The following GPC6 variants were observed in gnomAD, a reference collection of about 807,000 sequenced individuals.
The protein encoded by GPC6 is glypican 6.
Under a neutral mutation model 55.2 loss-of-function variants are expected in GPC6, and 14 were observed. The observed-to-expected ratio is 0.25, with a 90% CI of 0.17 to 0.40. The LOEUF is 0.40. Among genes scored for constraint, GPC6 ranks in the 10% least tolerant of loss-of-function variants. The pLI is 1.00. For synonymous variants in GPC6, 278 were observed against 259.6 expected, an observed-to-expected ratio of 1.07 and a Z score of -0.68; for missense variants, 641 against 708.5, an observed-to-expected ratio of 0.90 and a Z score of 1.08.
rs1876030010 is a variant in GPC6, at chr13:93,231,380, C to CATATATATATATATGTAT, written c.160+3778_160+3779insGTATATATATATATATAT. The stretch of plus-strand genomic sequence containing the variant: ...ATATACGTATATATATATATATATA[C>CATATATATATATATGTAT]ATATATATATATATATGTATATATA... On this transcript the variant is annotated intron_variant, in intron 1 of 8. Transcript: ENST00000377047. Among the ~76,000 whole-genome samples, 3 of 30,940 alleles carry CATATATATATATATGTAT rather than the reference C, an allele frequency of 9.7e-5. 1 individual carries two copies. The highest frequency in any genetic ancestry group is 1.2e-4 in the Non-Finnish European group (2 of 16,594). The allele number at this position is 30,940 out of a possible 152,430, so 20.3% of individuals were successfully genotyped here. A position where few individuals can be genotyped will look rare whatever the true frequency, so the allele number is the denominator to read the frequency against.
At chr13:93,753,329 C>CTGTG (rs997229418) in intron 2 of GPC6, among the ~76,000 whole-genome samples, 4 of 152,124 alleles carry the variant, frequency 2.6e-5, no homozygotes, top group African/African-American at 4.8e-5. Context: ...GTATGTATGT[C>CTGTG]TGTGTGTGTG....
chr13:93,216,956 C>T, the GPC6 span, among the ~76,000 whole-genome samples: 1 of 152,138 alleles, frequency 6.6e-6, no homozygotes, highest in Non-Finnish European at 1.5e-5. Context: ...TCCATCTGAG[C>T]TGCTACCAAT....
intron 1 of GPC6, among the ~76,000 whole-genome samples, chr13:93,358,289 A>G (rs957975072): frequency 2.0e-5 from 3 of 152,130 alleles, no homozygotes; most frequent in Admixed American, 6.5e-5. Flanking sequence ...GCAGTGAGCT[A>G]TGACTGCACC....
chr13:93,629,802 A>G (rs959105278), intron 2 of GPC6, among the ~76,000 whole-genome samples: 3 of 152,188 alleles, frequency 2.0e-5, no homozygotes, highest in Non-Finnish European at 4.4e-5. Flanking sequence ...AATTCACAGC[A>G]TTCCTTTTTT....
intron 1 of GPC6, among the ~76,000 whole-genome samples, chr13:93,489,608 G>C (rs970438251): frequency 4.7e-4 from 71 of 151,700 alleles, no homozygotes; most frequent in African/African-American, 1.6e-3. Flanking sequence ...CATGAGCATG[G>C]AATGTTCTTC....
At chr13:93,522,932 G>A (rs879552705) in intron 1 of GPC6, among the ~76,000 whole-genome samples, 7 of 151,536 alleles carry the variant, frequency 4.6e-5, no homozygotes, top group Admixed American at 4.6e-4. Flanking sequence ...GAGGGAAGAG[G>A]AAGGAAAAAG....
At chr13:94,311,076 A>T (rs1876218698) in intron 6 of GPC6, among the ~76,000 whole-genome samples, 2 of 152,192 alleles carry the variant, frequency 1.3e-5, no homozygotes, top group Admixed American at 6.5e-5. Context: ...TGGAGAGGGA[A>T]CATTGGATAT....
intron 2 of GPC6, among the ~76,000 whole-genome samples, chr13:93,654,238 A>AATTATT: frequency 6.6e-6 from 1 of 152,074 alleles, no homozygotes; most frequent in South Asian, 2.1e-4. Context: ...CACTTTAAGT[A>AATTATT]ATTATTATTA....
At chr13:94,309,421 C>T (rs1876120480) in intron 6 of GPC6, among the ~76,000 whole-genome samples, 1 of 151,822 alleles carries the variant, frequency 6.6e-6, no homozygotes, top group Non-Finnish European at 1.5e-5. Context: ...AACTACCAAC[C>T]CCAAGCTGAG....
chr13:94,298,849 T>G (rs1003503485), intron 5 of GPC6, among the ~76,000 whole-genome samples: 3 of 152,208 alleles, frequency 2.0e-5, no homozygotes, highest in African/African-American at 7.2e-5. Flanking sequence ...GAAGAGATAA[T>G]TGATCATTTG....
chr13:94,076,966 T>A (rs1383781892), intron 4 of GPC6, among the ~76,000 whole-genome samples: 1 of 144,584 alleles, frequency 6.9e-6, no homozygotes, highest in Admixed American at 6.8e-5. Flanking sequence ...TTCTGTTTTT[T>A]TTTTTTTTTT....
chr13:93,820,141 A>T (rs899127929), intron 2 of GPC6, among the ~76,000 whole-genome samples: 2 of 152,188 alleles, frequency 1.3e-5, no homozygotes, highest in African/African-American at 2.4e-5. Context: ...TTTAATGAAC[A>T]TTCATGGTTG....
At chr13:93,645,060 G>T (rs565229555) in intron 2 of GPC6, among the ~76,000 whole-genome samples, 1 of 152,084 alleles carries the variant, frequency 6.6e-6, no homozygotes, top group Non-Finnish European at 1.5e-5. Flanking sequence ...TCAGAGGGAG[G>T]AGTGGAGAAA....
chr13:94,136,203 T>G (rs1013974056), intron 4 of GPC6, among the ~76,000 whole-genome samples: 3 of 135,276 alleles, frequency 2.2e-5, no homozygotes, highest in South Asian at 4.8e-4. Context: ...TTTTTTTTTT[T>G]CTTCATTTCA....
chr13:94,046,097 C>T (rs567189688), intron 4 of GPC6, among the ~76,000 whole-genome samples: 14 of 151,896 alleles, frequency 9.2e-5, no homozygotes, highest in African/African-American at 2.9e-4. Flanking sequence ...CTCCACTCAG[C>T]GGACTGCCAA....
intron 2 of GPC6, among the ~76,000 whole-genome samples, chr13:93,614,060 C>T (rs1485989394): frequency 6.6e-6 from 1 of 152,154 alleles, no homozygotes; most frequent in Admixed American, 6.5e-5. Flanking sequence ...TCTCACTGTA[C>T]ATTTATGTTC....
At chr13:93,247,203 C>T (rs576854352) in intron 1 of GPC6, among the ~76,000 whole-genome samples, 31 of 152,150 alleles carry the variant, frequency 2.0e-4, no homozygotes, top group South Asian at 1.0e-3. Context: ...TTTTTGAGAT[C>T]GCTTTTAGAT....
At chr13:94,252,726 A>C (rs574842598) in intron 4 of GPC6, among the ~76,000 whole-genome samples, 1 of 152,216 alleles carries the variant, frequency 6.6e-6, no homozygotes, top group African/African-American at 2.4e-5. Context: ...AAAAATGCAG[A>C]CTTTCTTTTG....
chr13:93,504,653 G>T (rs1880644120), intron 1 of GPC6, among the ~76,000 whole-genome samples: 1 of 151,136 alleles, frequency 6.6e-6, no homozygotes, highest in Non-Finnish European at 1.5e-5. Flanking sequence ...CTGGAGGGAA[G>T]GATAAAGGTC....
Sources: allele counts gnomAD v4.1 joint callset (sites outside exome capture counted in the v4.1 genomes callset), GRCh38; gene constraint gnomAD v4.1.1; transcripts MANE v1.5; gene names NCBI Gene and HGNC (gene_info 2026-07-23, HGNC 2026-07-21).